Variants in FRS2 observed in about 807,000 individuals in gnomAD.
FRS2 encodes fibroblast growth factor receptor substrate 2.
Under a neutral mutation model 43.9 loss-of-function variants are expected in FRS2, and 8 were observed. The ratio of observed to expected loss-of-function variants is 0.18; its 90% CI spans 0.11 to 0.33. The LOEUF (loss-of-function observed/expected upper bound fraction) is 0.33. FRS2 is among the 10% of genes least tolerant of loss of function. The probability of loss-of-function intolerance (pLI) is 1.00; values close to 1 mark genes in which losing one functional copy is unlikely to be tolerated. For missense variants in FRS2, 534 were observed against 627.6 expected (o/e 0.85, Z 1.59); for synonymous variants, 219 against 220.3 (o/e 0.99, Z 0.05).
At chr12:69,532,532 A>G (rs545826238) in intron 3 of FRS2, among the ~76,000 whole-genome samples, 1 of 152,252 alleles carries the variant, frequency 6.6e-6, no homozygotes, top group Non-Finnish European at 1.5e-5. Flanking sequence ...AGGGCAAGCA[A>G]AACTAATGCT....
At position 69,574,991 on chromosome 12, in the gene FRS2, A is replaced by C. The variant is rs755512880; in HGVS notation, c.*36A>C. 4.4e-6 allele frequency: 6 copies of C among 1,369,946 alleles called. No individual in the cohort carries two copies. Among genetic ancestry groups the C allele is most frequent in the Non-Finnish European group, 6.1e-6 (6 of 976,900 alleles). 84.9% of individuals were successfully genotyped at this position (1,369,946 alleles called of 1,614,324 possible). A position where few individuals can be genotyped will look rare whatever the true frequency, so the allele number is the denominator to read the frequency against. ...CATTGTGTTGTTTGCACCTTTGTGAAGTTTTTAAAAATGAAGATGCAAGTG... is the reference window on the plus strand; with the variant it reads ...CATTGTGTTGTTTGCACCTTTGTGACGTTTTTAAAAATGAAGATGCAAGTG... On this transcript the variant is annotated 3_prime_UTR_variant, in exon 9 of 9. Coordinates refer to ENST00000549921, the MANE Select transcript of FRS2 (RefSeq NM_001278356.2).
At chr12:69,569,620 A>G (rs1224133173) in intron 5 of FRS2, among the ~76,000 whole-genome samples, 1 of 152,214 alleles carries the variant, frequency 6.6e-6, no homozygotes, top group Non-Finnish European at 1.5e-5. Context: ...GATCACACAA[A>G]CCTAGGTGTA....
rs1055439113 is a variant in FRS2, at chr12:69,575,227, G to A, written c.*272G>A. The stretch of plus-strand genomic sequence containing the variant: ...GAGAGTTGAAGTAAATGACATGCTG[G>A]TTGATTTTTATCAATATTCTGGACT... On this transcript the variant is annotated 3_prime_UTR_variant, in exon 9 of 9. Transcript: ENST00000549921. 1.3e-5 allele frequency: 5 copies of A among 398,334 alleles called. No homozygotes were observed. The highest frequency in any genetic ancestry group is 4.1e-5 in the African/African-American group (2 of 49,066). The allele number at this position is 398,334 out of a possible 1,614,324, so 24.7% of individuals were successfully genotyped here. A position where few individuals can be genotyped will look rare whatever the true frequency, so the allele number is the denominator to read the frequency against.
intron 1 of FRS2, among the ~76,000 whole-genome samples, chr12:69,493,922 A>G (rs558018724): frequency 1.5e-4 from 23 of 152,224 alleles, no homozygotes; most frequent in East Asian, 5.8e-4. Flanking sequence ...TCTGCATTCC[A>G]TTAATATTCA....
intron 4 of FRS2, among the ~76,000 whole-genome samples, chr12:69,567,119 C>T (rs1462434387): frequency 6.6e-6 from 1 of 152,168 alleles, no homozygotes; most frequent in African/African-American, 2.4e-5. Context: ...GTACTCTGCT[C>T]ATATCCTAAT....
intron 1 of FRS2, among the ~76,000 whole-genome samples, chr12:69,493,012 G>T (rs1354936363): frequency 1.3e-5 from 2 of 152,118 alleles, no homozygotes; most frequent in Non-Finnish European, 2.9e-5. Flanking sequence ...AATAGTGTTG[G>T]CAAATTAAGT....
intron 4 of FRS2, among the ~76,000 whole-genome samples, chr12:69,566,083 C>G (rs1880270609): frequency 6.6e-6 from 1 of 151,962 alleles, no homozygotes; most frequent in South Asian, 2.1e-4. Context: ...TTTTTCAGCT[C>G]CCTTGTAATC....
intron 3 of FRS2, among the ~76,000 whole-genome samples, chr12:69,546,194 C>T (rs1182572644): frequency 6.6e-6 from 1 of 152,090 alleles, no homozygotes; most frequent in Non-Finnish European, 1.5e-5. Flanking sequence ...TGTTTAACAT[C>T]ACCAATTATT....
chr12:69,527,776 C>G (rs988292598), intron 1 of FRS2, among the ~76,000 whole-genome samples: 1 of 152,146 alleles, frequency 6.6e-6, no homozygotes, highest in Non-Finnish European at 1.5e-5. Context: ...AGTGGTTGAA[C>G]TTGCTAAAAT....
At chr12:69,485,134 C>CACACACACAGACAT (rs1194988609) in intron 1 of FRS2, among the ~76,000 whole-genome samples, 1 of 134,272 alleles carries the variant, frequency 7.4e-6, no homozygotes, top group African/African-American at 2.9e-5. Flanking sequence ...CACACACACA[C>CACACACACAGACAT]ACTCTCACCC....
intron 1 of FRS2, among the ~76,000 whole-genome samples, chr12:69,515,072 AAGAT>A (rs1874857246): frequency 6.6e-6 from 1 of 152,232 alleles, no homozygotes. Context: ...TAGAGATTAA[AAGAT>A]AGACCAAGAG....
At chr12:69,523,705 G>A (rs957861544) in intron 1 of FRS2, among the ~76,000 whole-genome samples, 1 of 152,170 alleles carries the variant, frequency 6.6e-6, no homozygotes, top group African/African-American at 2.4e-5. Flanking sequence ...TGTAGTGACT[G>A]GTAAGGGTCT....
intron 1 of FRS2, among the ~76,000 whole-genome samples, chr12:69,517,314 A>G (rs1365750656): frequency 1.3e-5 from 2 of 152,232 alleles, no homozygotes; most frequent in Non-Finnish European, 2.9e-5. Context: ...TAAGGTATAT[A>G]TGAAATGTAA....
intron 4 of FRS2, among the ~76,000 whole-genome samples, chr12:69,563,390 T>C (rs1404384215): frequency 6.6e-6 from 1 of 152,230 alleles, no homozygotes; most frequent in Non-Finnish European, 1.5e-5. Context: ...AGCCTGTTCT[T>C]TAGCCTTACT....
chr12:69,522,475 A>AT (rs1452408626), intron 1 of FRS2, among the ~76,000 whole-genome samples: 1 of 151,766 alleles, frequency 6.6e-6, no homozygotes, highest in African/African-American at 2.4e-5. Flanking sequence ...CATTGTGTTT[A>AT]TTTGTATCTT....
intron 4 of FRS2, among the ~76,000 whole-genome samples, chr12:69,568,347 A>T (rs1880464745): frequency 6.6e-6 from 1 of 152,228 alleles, no homozygotes; most frequent in South Asian, 2.1e-4. Flanking sequence ...GAGTAACAAC[A>T]GTCAAAATAC....
intron 1 of FRS2, among the ~76,000 whole-genome samples, chr12:69,492,043 C>T (rs1028731259): frequency 2.6e-5 from 4 of 152,048 alleles, no homozygotes; most frequent in Non-Finnish European, 5.9e-5. Flanking sequence ...GATTTATTTT[C>T]TCTATTTTTA....
intron 1 of FRS2, among the ~76,000 whole-genome samples, chr12:69,527,316 T>A (rs1382599106): frequency 6.8e-6 from 1 of 147,360 alleles, no homozygotes; most frequent in Non-Finnish European, 1.5e-5. Flanking sequence ...GAAGCAAGAA[T>A]GGAGCAAAGT....
rs61754564 is a variant in FRS2 at position 69,574,054 on chromosome 12, G to T, written c.626G>T (p.Arg209Leu). The T allele has an allele frequency of 1.9e-5, 30 of 1,613,882 alleles. No individual in the cohort carries two copies. The highest frequency in any genetic ancestry group is 2.4e-5 in the Non-Finnish European group (28 of 1,179,988). The change falls in exon 9 of 9, where the codon CGC (arginine) becomes CTC (leucine). Residue 209 changes from arginine to leucine, a missense_variant. Around this residue, in one of 3 missense-constraint regions of FRS2, gnomAD observed 446 missense variants for 494.2 expected, o/e 0.90. Transcript: ENST00000549921. ...GGTGTGCAAGAAGAGCGGAAAAACC[G>T]CACAAGTGTGCATGTTCCATTGGAG... Reference protein sequence around the residue: ...TTGVQEERKNRTSVHVPLEAR... With the variant: ...TTGVQEERKNLTSVHVPLEAR...
Sources: gnomAD v4.1 joint callset for allele counts (sites outside exome capture counted in the v4.1 genomes callset) on GRCh38, gnomAD v4.1.1 for gene constraint, gnomAD v4.1.1 regional missense constraint, MANE v1.5 for transcripts, NCBI Gene and HGNC (gene_info 2026-07-23, HGNC 2026-07-21) for gene names.